PRPSAP1: variants seen among roughly 807,000 people sequenced by gnomAD.
The protein encoded by PRPSAP1 is phosphoribosyl pyrophosphate synthase-associated protein 1.
In PRPSAP1, 31 loss-of-function variants were observed where a neutral mutation model predicts 39.4. The ratio of observed to expected loss-of-function variants is 0.79; its 90% CI spans 0.59 to 1.06. The LOEUF (loss-of-function observed/expected upper bound fraction) is 1.06, where lower values mean the gene tolerates loss of function less well. PRPSAP1 is among the 50% of genes least tolerant of loss of function. The probability of loss-of-function intolerance (pLI) is 0.00; values close to 1 mark genes in which losing one functional copy is unlikely to be tolerated. For synonymous variants in PRPSAP1, 212 were observed against 192.6 expected (o/e 1.10, Z -0.83); for missense variants, 430 against 511.6 (o/e 0.84, Z 1.54).
intron 3 of PRPSAP1, among the ~76,000 whole-genome samples, chr17:76,341,108 T>C (rs1010745537): frequency 6.6e-6 from 1 of 152,226 alleles, no homozygotes; most frequent in Middle Eastern, 3.4e-3. Context: ...CAGCTGCTCA[T>C]GTGCCAGAGG....
intron 5 of PRPSAP1, 38 bp downstream of exon 5, chr17:76,330,512 CT>C: frequency 6.9e-7 from 1 of 1,440,820 alleles, no homozygotes; most frequent in Non-Finnish European, 9.6e-7. Flanking sequence ...AATAAGATCT[CT>C]TTTGAGGACA....
Position 76,348,936 on chromosome 17 carries a change from G to A in PRPSAP1, c.171-355C>T, listed in dbSNP as rs56659636. Among the ~76,000 whole-genome samples the A allele has an allele frequency of 2.0e-5, 3 of 152,294 alleles. No individual in the cohort carries two copies. In the East Asian group the frequency reaches 5.8e-4, roughly 29 times the overall value. On this transcript the variant is annotated intron_variant, in intron 1 of 9. Transcript: ENST00000446526. ...AAATGCCTCAATTATCAAAAGCATA[G>A]AGAAGGAAAGAGGCTTCAGCACTCT...
intron 7 of PRPSAP1, among the ~76,000 whole-genome samples, chr17:76,318,526 A>G (rs2071149651): frequency 6.6e-6 from 1 of 152,206 alleles, no homozygotes; most frequent in Non-Finnish European, 1.5e-5. Context: ...TTGAATATTT[A>G]TTCTGTCATA....
intron 3 of PRPSAP1, among the ~76,000 whole-genome samples, chr17:76,338,357 C>A (rs1206083561): frequency 6.6e-6 from 1 of 152,150 alleles, no homozygotes; most frequent in African/African-American, 2.4e-5. Flanking sequence ...TTCCTCCCAA[C>A]AACAGAAAAA....
intron 7 of PRPSAP1, among the ~76,000 whole-genome samples, chr17:76,316,775 A>G (rs1446057659): frequency 2.0e-5 from 3 of 152,220 alleles, no homozygotes; most frequent in South Asian, 2.1e-4. Context: ...ACGATTTCCA[A>G]TGCTCTTATG....
intron 7 of PRPSAP1, among the ~76,000 whole-genome samples, chr17:76,323,128 G>A (rs1256915024): frequency 1.5e-5 from 2 of 132,246 alleles, no homozygotes; most frequent in Non-Finnish European, 3.2e-5. Context: ...GATCACCTGA[G>A]GTCAGGAGTT....
intron 3 of PRPSAP1, among the ~76,000 whole-genome samples, chr17:76,332,825 C>T (rs2071337264): frequency 6.6e-6 from 1 of 152,128 alleles, no homozygotes. Context: ...ACTGCCCTTC[C>T]ATTTAGCTGC....
At chr17:76,351,107 C>T (rs2143558511) in intron 1 of PRPSAP1, among the ~76,000 whole-genome samples, 1 of 152,284 alleles carries the variant, frequency 6.6e-6, no homozygotes, top group Non-Finnish European at 1.5e-5. Context: ...TTTAAAAATA[C>T]TCCAGGTGGG....
chr17:76,336,253 C>G (rs955532864), intron 3 of PRPSAP1, among the ~76,000 whole-genome samples: 1 of 152,170 alleles, frequency 6.6e-6, no homozygotes, highest in South Asian at 2.1e-4. Context: ...GCCTAACCAA[C>G]ATGGTGAAAG....
rs745701771 is a variant in PRPSAP1 at position 76,353,653 on chromosome 17, G to A, written c.51C>T (p.Phe17=). The A allele has an allele frequency of 9.9e-5, 152 of 1,530,942 alleles. 1 individual carries two copies. The highest frequency in any genetic ancestry group is 3.8e-4 in the South Asian group (32 of 83,146). The allele number at this position is 1,530,942 out of a possible 1,614,324, so 94.8% of individuals were successfully genotyped here. A position where few individuals can be genotyped will look rare whatever the true frequency, so the allele number is the denominator to read the frequency against. The change falls in exon 1 of 10, where the codon TTC becomes TTT. Residue 17 remains phenylalanine (F), a synonymous_variant. Transcript: ENST00000446526. Reference sequence around the variant, plus strand: ...GAACGGGGCGGGCGCGCGGGACGCGGAAAGCCGAGGACGCGGAGGGCGGGG... The same window carrying A: ...GAACGGGGCGGGCGCGCGGGACGCGAAAAGCCGAGGACGCGGAGGGCGGGG... ...LLPPPSASSA[F]RVPRARPVPP...
At chr17:76,350,351 A>AT (rs937327429) in intron 1 of PRPSAP1, among the ~76,000 whole-genome samples, 7 of 151,852 alleles carry the variant, frequency 4.6e-5, no homozygotes, top group Non-Finnish European at 8.8e-5. Context: ...AGGCAGGGGA[A>AT]TGGCGTGAAC....
chr17:76,350,083 A>C (rs2071551189), intron 1 of PRPSAP1, among the ~76,000 whole-genome samples: 1 of 149,264 alleles, frequency 6.7e-6, no homozygotes, highest in African/African-American at 2.5e-5. Context: ...TCAAAAAAAA[A>C]AAACAACAAA....
intron 1 of PRPSAP1, among the ~76,000 whole-genome samples, chr17:76,351,624 T>G (rs1598546961): frequency 6.6e-6 from 1 of 151,298 alleles, no homozygotes; most frequent in South Asian, 2.1e-4. Context: ...GACGTGGAGG[T>G]TGCAGTAAGC....
chr17:76,345,748 A>C (rs2071493394), intron 2 of PRPSAP1: 1 of 227,698 alleles, frequency 4.4e-6, no homozygotes, highest in African/African-American at 2.3e-5. Flanking sequence ...GAAGAAGAGG[A>C]AGCGAGAATG....
chr17:76,327,516 G>C (rs985718438), intron 7 of PRPSAP1, among the ~76,000 whole-genome samples: 7 of 152,018 alleles, frequency 4.6e-5, no homozygotes, highest in African/African-American at 1.7e-4. Flanking sequence ...AGCTCGGCGT[G>C]TTGGCGCGCA....
chr17:76,336,461 G>C (rs1189273715), intron 3 of PRPSAP1, among the ~76,000 whole-genome samples: 1 of 146,562 alleles, frequency 6.8e-6, no homozygotes, highest in Non-Finnish European at 1.5e-5. Flanking sequence ...GGCCAGGCAC[G>C]GTGGCTCACA....
chr17:76,348,273 G>C (rs1210728655), intron 2 of PRPSAP1, among the ~76,000 whole-genome samples: 1 of 152,106 alleles, frequency 6.6e-6, no homozygotes, highest in East Asian at 1.9e-4. Flanking sequence ...AGGAGTTTGA[G>C]ACCAGCCTGG....
chr17:76,343,645 G>A (rs140237291), intron 3 of PRPSAP1, among the ~76,000 whole-genome samples: 21 of 152,122 alleles, frequency 1.4e-4, no homozygotes, highest in Non-Finnish European at 2.6e-4. Context: ...GACCAGCCTG[G>A]CCAACATAGT....
chr17:76,349,710 G>A lies in PRPSAP1; in HGVS notation c.171-1129C>T, dbSNP rs985289960. On this transcript the variant is annotated intron_variant, in intron 1 of 9. Coordinates refer to ENST00000446526, the MANE Select transcript of PRPSAP1 (RefSeq NM_002766.3). ...CAGGAGGCAGAGGTTGCCGTGAGCC[G>A]AGATCACACCATCGCACTCCAGCCT... Among the ~76,000 whole-genome samples the A allele has an allele frequency of 5.3e-5, 8 of 151,346 alleles. No individual in the cohort carries two copies. The East Asian group carries it at 5.8e-4, about 11-fold the overall frequency.
Sources: gnomAD v4.1 joint callset for allele counts (sites outside exome capture counted in the v4.1 genomes callset) on GRCh38, gnomAD v4.1.1 for gene constraint, MANE v1.5 for transcripts, NCBI Gene and HGNC (gene_info 2026-07-23, HGNC 2026-07-21) for gene names.